CSNK1G1: variants seen among roughly 807,000 people sequenced by gnomAD.
CSNK1G1 encodes casein kinase I isoform gamma-1.
Under a neutral mutation model 59.6 loss-of-function variants are expected in CSNK1G1, and 22 were observed. The observed-to-expected ratio is 0.37, with a 90% CI of 0.26 to 0.53. CSNK1G1 has a LOEUF of 0.53. CSNK1G1 is among the 20% of genes least tolerant of loss of function. CSNK1G1 has a pLI of 0.89. For synonymous variants in CSNK1G1, 179 were observed against 177.1 expected (o/e 1.01, Z -0.08); for missense variants, 384 against 519.5 (o/e 0.74, Z 2.54).
intron 10 of CSNK1G1, among the ~76,000 whole-genome samples, chr15:64,197,498 G>A (rs2082053068): frequency 6.6e-6 from 1 of 152,152 alleles, no homozygotes; most frequent in South Asian, 2.1e-4. Flanking sequence ...TAATTATCCA[G>A]GCTCAAGATC....
chr15:64,275,616 T>A (rs1041624405), intron 2 of CSNK1G1, among the ~76,000 whole-genome samples: 1 of 152,188 alleles, frequency 6.6e-6, no homozygotes, highest in Admixed American at 6.5e-5. Context: ...GGATGGTATA[T>A]ACAGCATGTT....
chr15:64,337,176 T>C (rs970431563), intron 1 of CSNK1G1, among the ~76,000 whole-genome samples: 10 of 152,098 alleles, frequency 6.6e-5, no homozygotes, highest in African/African-American at 2.4e-4. Flanking sequence ...TGCTGTGAGC[T>C]GAGATCTTGC....
At chr15:64,184,265 T>G (rs1322852132) in intron 10 of CSNK1G1, among the ~76,000 whole-genome samples, 3 of 151,978 alleles carry the variant, frequency 2.0e-5, no homozygotes, top group Non-Finnish European at 4.4e-5. Flanking sequence ...ATCATGCCAC[T>G]GCACTCCAGC....
chr15:64,260,457 T>C (rs1266752622), intron 2 of CSNK1G1, among the ~76,000 whole-genome samples: 1 of 151,948 alleles, frequency 6.6e-6, no homozygotes, highest in East Asian at 1.9e-4. Flanking sequence ...TTTTTATAAA[T>C]AAAAAAACAA....
At chr15:64,190,254 T>C (rs1221986014) in intron 10 of CSNK1G1, among the ~76,000 whole-genome samples, 3 of 152,232 alleles carry the variant, frequency 2.0e-5, no homozygotes, top group Non-Finnish European at 2.9e-5. Flanking sequence ...GGACTTGCTC[T>C]ATTACCTTAT....
intron 1 of CSNK1G1, among the ~76,000 whole-genome samples, chr15:64,340,106 G>A (rs902913349): frequency 6.6e-6 from 1 of 152,054 alleles, no homozygotes; most frequent in African/African-American, 2.4e-5. Context: ...TCCTAATTTA[G>A]TTTGCACTGT....
chr15:64,343,218 C>A (rs527740231), intron 1 of CSNK1G1, among the ~76,000 whole-genome samples: 3 of 151,142 alleles, frequency 2.0e-5, no homozygotes, highest in African/African-American at 7.3e-5. Flanking sequence ...AACACACACA[C>A]ACACACACAC....
At chr15:64,309,588 A>G (rs1407167758) in intron 1 of CSNK1G1, among the ~76,000 whole-genome samples, 1 of 152,220 alleles carries the variant, frequency 6.6e-6, no homozygotes, top group Non-Finnish European at 1.5e-5. Flanking sequence ...ACTACAATGC[A>G]CTGTGATTAG....
At chr15:64,308,854 G>A (rs1219727883) in intron 1 of CSNK1G1, among the ~76,000 whole-genome samples, 16 of 151,130 alleles carry the variant, frequency 1.1e-4, no homozygotes, top group Admixed American at 9.9e-4. Context: ...CCAAGATCAC[G>A]CCACTGCACT....
In CSNK1G1 at chr15:64,168,370, A is replaced by G. The variant is rs149824879; in HGVS notation, c.*3561T>C. 1.3e-5 allele frequency: 2 copies of G among 152,680 alleles called. No individual in the cohort carries two copies. Among genetic ancestry groups the G allele is most frequent in the East Asian group, 1.9e-4 (1 of 5,182 alleles). 9.5% of individuals were successfully genotyped at this position (152,680 alleles called of 1,614,324 possible). On this transcript the variant is annotated 3_prime_UTR_variant, in exon 12 of 12. Transcript: ENST00000303052. ...GGAGTGAGATCTCTGGAAAGCACCA[A>G]GGTGCGTAGAGCAACTTGACCAACT...
At chr15:64,258,092 A>G (rs1892487085) in intron 3 of CSNK1G1, among the ~76,000 whole-genome samples, 2 of 152,184 alleles carry the variant, frequency 1.3e-5, no homozygotes. Context: ...CAATCACAGA[A>G]CAAGTGTGGA....
At chr15:64,353,550 G>A (rs574105542) in intron 1 of CSNK1G1, among the ~76,000 whole-genome samples, 1 of 151,838 alleles carries the variant, frequency 6.6e-6, no homozygotes, top group South Asian at 2.1e-4. Flanking sequence ...AGGAGGCTGA[G>A]GCAGGAGAAT....
rs2082289837 is a variant in CSNK1G1, at chr15:64,214,789, C to A, written c.445-665G>T. Among the ~76,000 whole-genome samples the A allele has an allele frequency of 6.6e-6, 1 of 152,078 alleles. No homozygotes were observed. Among genetic ancestry groups the A allele is most frequent in the African/African-American group, 2.4e-5 (1 of 41,404 alleles). On this transcript the variant is annotated intron_variant, in intron 5 of 11. Coordinates refer to ENST00000303052, the MANE Select transcript of CSNK1G1 (RefSeq NM_022048.5). The surrounding 1 kb of genome is among the most constrained non-coding windows in gnomAD (Gnocchi z 4.3). ...GGGTAGCTGGGATTACATGCACATG[C>A]CACCATGCCTGGCTAATTTTTGTAT...
intron 1 of CSNK1G1, among the ~76,000 whole-genome samples, chr15:64,308,023 T>A (rs1279678989): frequency 6.6e-6 from 1 of 152,046 alleles, no homozygotes; most frequent in Non-Finnish European, 1.5e-5. Context: ...GGGAAAAAAA[T>A]GTTCGTCTTC....
At chr15:64,193,690 A>G (rs1193728422) in intron 10 of CSNK1G1, among the ~76,000 whole-genome samples, 3 of 152,204 alleles carry the variant, frequency 2.0e-5, no homozygotes, top group Admixed American at 2.0e-4. Context: ...AAAGGGGATT[A>G]TTCCCAGGCT....
chr15:64,281,851 T>C (rs936541336), intron 2 of CSNK1G1, among the ~76,000 whole-genome samples: 4 of 150,166 alleles, frequency 2.7e-5, no homozygotes, highest in African/African-American at 9.8e-5. Context: ...TTCACAATAA[T>C]ATAACTATAC....
chr15:64,271,880 A>C (rs1893328132), intron 2 of CSNK1G1, among the ~76,000 whole-genome samples: 1 of 152,098 alleles, frequency 6.6e-6, no homozygotes, highest in Non-Finnish European at 1.5e-5. Flanking sequence ...ATTGTGTGGG[A>C]GTCTACATCT....
chr15:64,223,781 A>G (rs2140279588), intron 4 of CSNK1G1, among the ~76,000 whole-genome samples: 1 of 152,302 alleles, frequency 6.6e-6, no homozygotes, highest in South Asian at 2.1e-4. Flanking sequence ...CAATAACATG[A>G]TGTTATAAAC....
chr15:64,251,519 G>A lies in CSNK1G1; in HGVS notation c.285C>T (p.Gly95=). Residue 95 remains glycine (G), a synonymous_variant, in exon 4 of 12, where the codon GGC becomes GGT. Transcript: ENST00000303052. ...HLEYRFYKQL[G]SAGEGLPQVY... ...AGAAAAGACTTGACTTACCTGCACT[G>A]CCAAGCTGTTTATAAAATCTGTACT... 1 of 1,609,738 alleles carries A rather than the reference G, an allele frequency of 6.2e-7. No individual in the cohort carries two copies. The highest frequency in any genetic ancestry group is 8.5e-7 in the Non-Finnish European group (1 of 1,176,696).
Sources: gnomAD v4.1 joint callset for allele counts (sites outside exome capture counted in the v4.1 genomes callset) on GRCh38, gnomAD v4.1.1 for gene constraint, Gnocchi (gnomAD v3.1) non-coding constraint, MANE v1.5 for transcripts, NCBI Gene and HGNC (gene_info 2026-07-23, HGNC 2026-07-21) for gene names.